Variants in DTNA observed in about 807,000 individuals in gnomAD.
The protein encoded by DTNA is dystrophin-related protein 3.
In DTNA, 43 loss-of-function variants were observed where a neutral mutation model predicts 100.7. The ratio of observed to expected loss-of-function variants is 0.43; its 90% CI spans 0.33 to 0.55. DTNA has a LOEUF of 0.55. Ranked by LOEUF, DTNA falls within the 20% of genes least tolerant of loss-of-function variation. DTNA has a pLI of 0.04. For missense variants in DTNA, 798 were observed against 953.9 expected (o/e 0.84, Z 2.15); for synonymous variants, 349 against 347.9 (o/e 1.00, Z -0.04).
chr18:34,593,388 C>G (rs1598803919), intron 1 of DTNA: 2 of 152,294 alleles, frequency 1.3e-5, no homozygotes, highest in South Asian at 2.1e-4. Flanking sequence ...ATAGCTCTCC[C>G]TAGAATTTCA....
At chr18:34,719,859 T>A (rs972676962) in intron 1 of DTNA, among the ~76,000 whole-genome samples, 3 of 152,116 alleles carry the variant, frequency 2.0e-5, no homozygotes, top group African/African-American at 4.8e-5. Context: ...ACAGTTGAAG[T>A]TTTTACCTCA....
At chr18:34,499,338 A>G (rs1343071652) in intron 1 of DTNA, among the ~76,000 whole-genome samples, 3 of 152,200 alleles carry the variant, frequency 2.0e-5, no homozygotes, top group Non-Finnish European at 2.9e-5. Flanking sequence ...ATTGCTGAAT[A>G]GTATTTTGTG....
intron 1 of DTNA, among the ~76,000 whole-genome samples, chr18:34,640,163 CAT>C (rs1421236812): frequency 6.6e-6 from 1 of 152,178 alleles, no homozygotes; most frequent in Non-Finnish European, 1.5e-5. Flanking sequence ...TTTATATTTT[CAT>C]ATGATTATCA....
In DTNA at chr18:34,573,185, C is replaced by T. The variant is rs117739127; in HGVS notation, c.-2+79671C>T. On this transcript the variant is annotated intron_variant, in intron 1 of 19. Transcript: ENST00000283365. ...TCTATATTTCTGCTTTCCTTTATTC[C>T]TTTATTCCTCTGTGTTTAAAAGTCT... Among the ~76,000 whole-genome samples the T allele has an allele frequency of 8.5e-5, 13 of 152,240 alleles. No homozygotes were observed. In the East Asian group the frequency reaches 2.5e-3, roughly 29 times the overall value.
intron 3 of DTNA, among the ~76,000 whole-genome samples, chr18:34,769,753 C>CTTTTT (rs1568462894): frequency 6.4e-3 from 210 of 32,788 alleles, no homozygotes; most frequent in South Asian, 0.02. Flanking sequence ...CAGAGTTTCA[C>CTTTTT]TCTTTTTTCC....
chr18:34,659,654 ACACT>A (rs760779517), intron 1 of DTNA, among the ~76,000 whole-genome samples: 1 of 150,842 alleles, frequency 6.6e-6, no homozygotes, highest in Non-Finnish European at 1.5e-5. Context: ...ACACACACAC[ACACT>A]CATTTAACAT....
At chr18:34,663,151 A>G (rs2075420538) in intron 1 of DTNA, among the ~76,000 whole-genome samples, 1 of 151,798 alleles carries the variant, frequency 6.6e-6, no homozygotes, top group Admixed American at 6.6e-5. Flanking sequence ...TTATTTATTT[A>G]TTTTTACTTT....
intron 5 of DTNA, among the ~76,000 whole-genome samples, chr18:34,809,454 C>A (rs1357122202): frequency 1.3e-5 from 2 of 152,034 alleles, no homozygotes; most frequent in African/African-American, 2.4e-5. Flanking sequence ...ATCTCAAAAA[C>A]ACAAATCAAA....
chr18:34,850,116 A>C (rs1241211942), intron 14 of DTNA, among the ~76,000 whole-genome samples: 2 of 152,222 alleles, frequency 1.3e-5, no homozygotes, highest in Admixed American at 6.5e-5. Flanking sequence ...TCATAACCAC[A>C]TATTAAGAAT....
At chr18:34,816,130 G>C in intron 7 of DTNA, 116 bp downstream of exon 7, 3 of 1,055,242 alleles carry the variant, frequency 2.8e-6, no homozygotes, top group South Asian at 1.3e-5. Context: ...GTGGCTCTTA[G>C]TTTTGTTTAG....
intron 1 of DTNA, among the ~76,000 whole-genome samples, chr18:34,601,030 C>T (rs1215549789): frequency 6.6e-6 from 1 of 152,174 alleles, no homozygotes; most frequent in Non-Finnish European, 1.5e-5. Context: ...AACAGGTGAG[C>T]CCCAGTACTG....
At chr18:34,785,614 G>C (rs2094481840) in intron 3 of DTNA, among the ~76,000 whole-genome samples, 1 of 152,074 alleles carries the variant, frequency 6.6e-6, no homozygotes, top group African/African-American at 2.4e-5. Flanking sequence ...CAGTGTCTCA[G>C]TTCATGTTTC....
chr18:34,596,655 GTTGT>G (rs2050672551), intron 1 of DTNA, among the ~76,000 whole-genome samples: 1 of 152,060 alleles, frequency 6.6e-6, no homozygotes, highest in Non-Finnish European at 1.5e-5. Flanking sequence ...TGCTATTATA[GTTGT>G]TTCTTTTTAC....
chr18:34,780,952 A>G (rs1197188051), intron 3 of DTNA, among the ~76,000 whole-genome samples: 2 of 152,240 alleles, frequency 1.3e-5, no homozygotes, highest in East Asian at 3.8e-4. Flanking sequence ...GGTTGCCTAC[A>G]GGAGTTAATG....
intron 1 of DTNA, among the ~76,000 whole-genome samples, chr18:34,723,101 T>C (rs1181746738): frequency 6.6e-6 from 1 of 152,188 alleles, no homozygotes; most frequent in Non-Finnish European, 1.5e-5. Context: ...AATATAAGAA[T>C]TAAAAGTTCA....
chr18:34,621,802 G>A (rs552007241), intron 1 of DTNA, among the ~76,000 whole-genome samples: 15 of 152,314 alleles, frequency 9.8e-5, no homozygotes, highest in African/African-American at 3.1e-4. Context: ...AAATTGCTAA[G>A]AGAGTAGATA....
At chr18:34,848,116 G>C (rs572889234) in intron 13 of DTNA, among the ~76,000 whole-genome samples, 180 bp from the exon 14 acceptor site, 4 of 152,246 alleles carry the variant, frequency 2.6e-5, no homozygotes, top group Admixed American at 2.0e-4. Context: ...TGACCTTCCC[G>C]ACTATATATT....
chr18:34,837,535 A>T (rs933704752), intron 11 of DTNA, among the ~76,000 whole-genome samples: 9 of 152,210 alleles, frequency 5.9e-5, no homozygotes, highest in Admixed American at 5.9e-4. Context: ...AAGAAATAAC[A>T]ATATATATGT....
chr18:34,859,069 T>C (rs1250251779), intron 16 of DTNA, among the ~76,000 whole-genome samples: 2 of 152,230 alleles, frequency 1.3e-5, no homozygotes, highest in Admixed American at 1.3e-4. Context: ...AGTCTTGGTC[T>C]CTAATATCTT....
Sources: allele counts gnomAD v4.1 joint callset (sites outside exome capture counted in the v4.1 genomes callset), GRCh38; gene constraint gnomAD v4.1.1; transcripts MANE v1.5; gene names NCBI Gene and HGNC (gene_info 2026-07-23, HGNC 2026-07-21).